RPL9: variants seen among roughly 807,000 people sequenced by gnomAD.
RPL9 encodes ribosomal protein L9.
For missense variants in RPL9, 149 were observed against 236.7 expected, an observed-to-expected ratio of 0.63 and a Z score of 2.43; for synonymous variants, 82 against 77.1, an observed-to-expected ratio of 1.06 and a Z score of -0.33.
At chr4:39,456,296 A>C in intron 5 of RPL9, 110 bp downstream of exon 5, 1 of 1,229,408 alleles carries the variant, frequency 8.1e-7, no homozygotes, top group South Asian at 1.2e-5. Flanking sequence ...GGTTTTACTC[A>C]GCACAAACAC....
chr4:39,456,655 C>A (rs1246586785), intron 4 of RPL9, 117 bp from the exon 5 acceptor site: 1 of 1,114,946 alleles, frequency 9.0e-7, no homozygotes, highest in African/African-American at 1.6e-5. Context: ...CCAAGATTTT[C>A]TAATAACTGT....
At chr4:39,458,478 C>T (rs751622900) in intron 1 of RPL9, 38 bp from the exon 2 acceptor site, 6 of 1,608,650 alleles carry the variant, frequency 3.7e-6, no homozygotes, top group Non-Finnish European at 5.1e-6. Flanking sequence ...CGACGCAAGG[C>T]CCGTTTTTCC....
chr4:39,456,320 A>G (rs750526251), intron 5 of RPL9, 86 bp downstream of exon 5: 1 of 1,468,670 alleles, frequency 6.8e-7, no homozygotes, highest in Non-Finnish European at 9.5e-7. Flanking sequence ...ACAACAGCCA[A>G]CTAAAGTATG....
Position 39,454,595 on chromosome 4 carries a change from A to C in RPL9, c.527T>G (p.Leu176Trp), listed in dbSNP as rs771276941. 1 of 1,613,524 alleles carries C rather than the reference A, an allele frequency of 6.2e-7. No homozygotes were observed. Reference protein sequence around the residue: ...TVKNKDIRKFLDGIYVSEKGT... With the variant: ...TVKNKDIRKFWDGIYVSEKGT... Reference sequence around the variant, plus strand: ...TTTTTCAGAGACATAGATACCATCCAAAAATTTCCTGATATCCTTGTTTTT... The same window carrying C: ...TTTTTCAGAGACATAGATACCATCCCAAAATTTCCTGATATCCTTGTTTTT... The change falls in exon 7 of 8, where the codon TTG becomes TGG. Residue 176 changes from leucine (L) to tryptophan (W), a missense_variant. By Grantham distance (61) the Leu-to-Trp change is moderately conservative. Coordinates refer to ENST00000295955, the MANE Select transcript of RPL9 (RefSeq NM_000661.5).
chr4:39,455,938 C>T (rs946327595), intron 5 of RPL9: 45 of 194,492 alleles, frequency 2.3e-4, no homozygotes, highest in African/African-American at 9.8e-4. Context: ...GAAATTTACG[C>T]TAGGCTATTA....
chr4:39,456,712 T>G (rs553478875), intron 4 of RPL9, 174 bp from the exon 5 acceptor site: 2 of 688,066 alleles, frequency 2.9e-6, no homozygotes, highest in Non-Finnish European at 4.8e-6. Flanking sequence ...TTCAGTGGAC[T>G]GTAAAGCTCC....
At chr4:39,458,673 C>T in intron 1 of RPL9, 1 of 622,934 alleles carries the variant, frequency 1.6e-6, no homozygotes, top group South Asian at 1.9e-5. Context: ...CCCTGGAAGT[C>T]CTATGCGGGC....
intron 1 of RPL9, 70 bp from the exon 2 acceptor site, chr4:39,458,510 C>G: frequency 6.6e-7 from 1 of 1,518,052 alleles, no homozygotes; most frequent in South Asian, 1.2e-5. Flanking sequence ...CCGCACAGAG[C>G]TCCACTCCTA....
intron 5 of RPL9, 99 bp from the exon 6 acceptor site, chr4:39,455,043 A>C (rs1230048501): frequency 2.5e-6 from 3 of 1,217,054 alleles, no homozygotes; most frequent in Admixed American, 2.5e-5. Context: ...CCATGCACCA[A>C]AAGAACCTTT....
intron 7 of RPL9, 120 bp downstream of exon 7, chr4:39,454,413 G>T (rs1744006694): frequency 1.4e-6 from 1 of 736,008 alleles, no homozygotes; most frequent in Non-Finnish European, 2.2e-6. Flanking sequence ...AATTTACTGT[G>T]TTCCAGAATG....
At chr4:39,458,477 G>T (rs201191566) in intron 1 of RPL9, 37 bp from the exon 2 acceptor site, 5 of 1,609,692 alleles carry the variant, frequency 3.1e-6, no homozygotes, top group Non-Finnish European at 3.4e-6. Flanking sequence ...CCGACGCAAG[G>T]CCCGTTTTTC....
Position 39,458,414 on chromosome 4 carries a change from G to A in RPL9, c.26C>T (p.Thr9Ile), listed in dbSNP as rs889133175. 3.1e-6 allele frequency: 5 copies of A among 1,614,238 alleles called. No homozygotes were observed. The highest frequency in any genetic ancestry group is 2.2e-5 in the South Asian group (2 of 91,090). The change falls in exon 2 of 8, where the codon ACT becomes ATT. Residue 9 changes from threonine to isoleucine, a missense_variant. By Grantham distance (89) the Thr-to-Ile change is moderately conservative. Transcript: ENST00000295955. Reference sequence around the variant, plus strand: ...CATACCATTTTCTGGAATGTCGACAGTCTGATTGCTGAGAATAGTCTTCAT... The same window carrying A: ...CATACCATTTTCTGGAATGTCGACAATCTGATTGCTGAGAATAGTCTTCAT... Reference protein sequence around the residue: MKTILSNQTVDIPENVDIT... With the variant: MKTILSNQIVDIPENVDIT...
rs751045563 is a variant in RPL9 at position 39,454,516 on chromosome 4, A to T, written c.*10+17T>A. 1.9e-6 allele frequency: 3 copies of T among 1,561,060 alleles called. No individual in the cohort carries two copies. Among genetic ancestry groups the T allele is most frequent in the Admixed American group, 1.8e-5 (1 of 55,716 alleles). The stretch of plus-strand genomic sequence containing the variant: ...AACTAGAGCAGTAATAAAACTTAAG[A>T]CACTGTAAGAACTTACCTCTTAGAT... On this transcript the variant is annotated intron_variant, in intron 7 of 7. Coordinates refer to ENST00000295955, the MANE Select transcript of RPL9 (RefSeq NM_000661.5).
Position 39,458,381 on chromosome 4 carries a change from T to G in RPL9, c.46+13A>C, listed in dbSNP as rs755510253. 1.2e-6 allele frequency: 2 copies of G among 1,613,958 alleles called. No individual in the cohort carries two copies. Among genetic ancestry groups the G allele is most frequent in the Non-Finnish European group, 1.7e-6 (2 of 1,179,970 alleles). On this transcript the variant is annotated intron_variant, in intron 2 of 7. Coordinates refer to ENST00000295955, the MANE Select transcript of RPL9 (RefSeq NM_000661.5). ...GCAGTAAAGATGTAAGTAAAAGACA[T>G]CAAGTCTCATACCATTTTCTGGAAT...
In RPL9 at chr4:39,456,600, A is replaced by T. The variant is rs1578224072; in HGVS notation, c.259-62T>A. 5 of 1,549,490 alleles carry T rather than the reference A, an allele frequency of 3.2e-6. No individual in the cohort carries two copies. The South Asian group carries it at 3.6e-5, about 11-fold the overall frequency. On this transcript the variant is annotated intron_variant, in intron 4 of 7. Transcript: ENST00000295955. ...GAGGAATATTTTTAATAGTTTTAAA[A>T]TTTTCTAAGATGCTTATACTTATTT... is the stretch of plus-strand genomic sequence containing the variant.
intron 1 of RPL9, chr4:39,458,648 T>C: frequency 1.6e-6 from 1 of 626,724 alleles, no homozygotes; most frequent in Non-Finnish European, 2.8e-6. Context: ...GCAGTCGAAC[T>C]CCCACTCAGC....
rs1744261085 is a variant in RPL9 at position 39,458,914 on chromosome 4, A to C, written c.-25T>G. 2.8e-6 allele frequency: 2 copies of C among 712,274 alleles called. No homozygotes were observed. Among genetic ancestry groups the C allele is most frequent in the Admixed American group, 2.0e-5 (1 of 50,128 alleles). 44.1% of individuals were successfully genotyped at this position (712,274 alleles called of 1,614,324 possible). Reference sequence around the variant, plus strand: ...ACCTCGCAGTAGACGCAGCAAAGAAAGAACGTCTGTCGTCATTACGTACTT... The same window carrying C: ...ACCTCGCAGTAGACGCAGCAAAGAACGAACGTCTGTCGTCATTACGTACTT... On this transcript the variant is annotated 5_prime_UTR_variant, in exon 1 of 8. Coordinates refer to ENST00000295955, the MANE Select transcript of RPL9 (RefSeq NM_000661.5).
chr4:39,457,739 G>A (rs1281739736), intron 3 of RPL9, 58 bp from the exon 4 acceptor site: 3 of 1,340,056 alleles, frequency 2.2e-6, no homozygotes, highest in South Asian at 1.2e-5. Context: ...AAAGACAACA[G>A]ACCACTTACC....
chr4:39,457,468 C>T (rs1164799267), intron 4 of RPL9, 118 bp downstream of exon 4: 12 of 866,932 alleles, frequency 1.4e-5, no homozygotes, highest in African/African-American at 1.7e-5. Flanking sequence ...CAAGTTCTTG[C>T]GTATTACACC....
Sources: gnomAD v4.1 joint callset for allele counts on GRCh38, gnomAD v4.1.1 for gene constraint, MANE v1.5 for transcripts, NCBI Gene and HGNC (gene_info 2026-07-23, HGNC 2026-07-21) for gene names.